MTUS2: variants seen among roughly 807,000 people sequenced by gnomAD.
The protein encoded by MTUS2 is microtubule associated scaffold protein 2, also known as microtubule-associated tumor suppressor candidate 2.
MTUS2 carries 40 observed loss-of-function variants against 114.1 expected under a neutral mutation model. That is an observed-to-expected ratio of 0.35 (90% CI 0.27 to 0.46). The LOEUF (loss-of-function observed/expected upper bound fraction) is 0.46. MTUS2 is among the 20% of genes least tolerant of loss of function. MTUS2 has a pLI of 1.00. For missense variants in MTUS2, 1,679 were observed against 1,705.4 expected, an observed-to-expected ratio of 0.98 and a Z score of 0.27; for synonymous variants, 688 against 672.0, an observed-to-expected ratio of 1.02 and a Z score of -0.37.
At chr13:29,000,456 G>A (rs1885333474) in intron 2 of MTUS2, among the ~76,000 whole-genome samples, 1 of 151,996 alleles carries the variant, frequency 6.6e-6, no homozygotes, top group African/African-American at 2.4e-5. Context: ...TCCACCCCCT[G>A]GGTTTAAGCA....
At chr13:29,281,222 G>A (rs1211200279) in intron 5 of MTUS2, among the ~76,000 whole-genome samples, 1 of 151,958 alleles carries the variant, frequency 6.6e-6, no homozygotes, top group African/African-American at 2.4e-5. Flanking sequence ...GAGATTTCAG[G>A]GATCTCTGAA....
chr13:29,118,294 A>T (rs1479003951), intron 5 of MTUS2, among the ~76,000 whole-genome samples: 2 of 151,340 alleles, frequency 1.3e-5, no homozygotes, highest in African/African-American at 2.4e-5. Flanking sequence ...AGGGGAGGAG[A>T]TGGATGCCAG....
intron 5 of MTUS2, among the ~76,000 whole-genome samples, chr13:29,195,152 G>A (rs1894630186): frequency 6.7e-6 from 1 of 148,904 alleles, no homozygotes; most frequent in Non-Finnish European, 1.5e-5. Context: ...TAAATGACGA[G>A]TTAATGGGTG....
At chr13:29,367,703 G>T (rs1870835189) in intron 8 of MTUS2, among the ~76,000 whole-genome samples, 1 of 152,106 alleles carries the variant, frequency 6.6e-6, no homozygotes, top group South Asian at 2.1e-4. Flanking sequence ...AGACGATAAA[G>T]GATGAACCCA....
At chr13:29,038,872 G>GA (rs1384421313) in intron 4 of MTUS2, among the ~76,000 whole-genome samples, 2 of 152,212 alleles carry the variant, frequency 1.3e-5, no homozygotes, top group African/African-American at 4.8e-5. Context: ...CAAGCCTCAG[G>GA]AATTGCCCCT....
chr13:29,359,611 C>A, intron 8 of MTUS2, 138 bp downstream of exon 8: 2 of 941,804 alleles, frequency 2.1e-6, no homozygotes, highest in Non-Finnish European at 3.1e-6. Flanking sequence ...GGAGTTCAGG[C>A]AGAATCTCCT....
intron 2 of MTUS2, among the ~76,000 whole-genome samples, chr13:28,936,918 G>T (rs1447688195): frequency 1.3e-5 from 2 of 152,184 alleles, no homozygotes; most frequent in African/African-American, 2.4e-5. Flanking sequence ...GTTCCGGTTT[G>T]TTCCTTTGTG....
At chr13:28,941,731 A>G (rs749082284) in intron 2 of MTUS2, among the ~76,000 whole-genome samples, 9 of 152,130 alleles carry the variant, frequency 5.9e-5, no homozygotes, top group East Asian at 3.8e-4. Flanking sequence ...TGGTACATCA[A>G]ACTTGGAAAG....
rs562356851 is a variant in MTUS2 at position 29,336,542 on chromosome 13, C to T, written c.2905+11831C>T. The stretch of plus-strand genomic sequence containing the variant: ...TTGTCCCGAAAGGGCACCCGCCGGA[C>T]GCCAGCTGGAGCTTTCCTGTATGAG... On this transcript the variant is annotated intron_variant, in intron 7 of 15. Coordinates refer to ENST00000612955, the MANE Select transcript of MTUS2 (RefSeq NM_001033602.4). Among the ~76,000 whole-genome samples the T allele has an allele frequency of 4.7e-4, 72 of 152,224 alleles. No homozygotes were observed. In the South Asian group the frequency reaches 5.0e-3, roughly 11 times the overall value.
intron 3 of MTUS2, among the ~76,000 whole-genome samples, chr13:29,027,507 C>T (rs1180257124): frequency 1.3e-5 from 2 of 152,106 alleles, no homozygotes; most frequent in African/African-American, 4.8e-5. Context: ...GCAGTAATTC[C>T]CTGAGGGTTG....
At chr13:28,966,865 A>T (rs1455525284) in intron 2 of MTUS2, among the ~76,000 whole-genome samples, 2 of 152,222 alleles carry the variant, frequency 1.3e-5, no homozygotes, top group African/African-American at 4.8e-5. Flanking sequence ...GGAAGTTTAC[A>T]ATTGTACAGT....
At chr13:29,170,234 AAG>A (rs899421310) in intron 5 of MTUS2, among the ~76,000 whole-genome samples, 33 of 152,372 alleles carry the variant, frequency 2.2e-4, no homozygotes, top group African/African-American at 7.7e-4. Flanking sequence ...GATAAGGGCA[AAG>A]AGAGCTTTGC....
At chr13:29,311,063 G>A (rs1899737259) in intron 6 of MTUS2, among the ~76,000 whole-genome samples, 1 of 152,208 alleles carries the variant, frequency 6.6e-6, no homozygotes. Flanking sequence ...ATGATGAACT[G>A]GGGCTACATG....
At chr13:29,218,488 A>G (rs905566907) in intron 5 of MTUS2, among the ~76,000 whole-genome samples, 7 of 152,230 alleles carry the variant, frequency 4.6e-5, no homozygotes, top group African/African-American at 1.7e-4. Context: ...CTAGAATGGT[A>G]AATCCTTTCC....
intron 8 of MTUS2, among the ~76,000 whole-genome samples, chr13:29,391,859 C>A (rs951082613): frequency 6.6e-6 from 1 of 151,826 alleles, no homozygotes; most frequent in Non-Finnish European, 1.5e-5. Flanking sequence ...CACCTTTGGC[C>A]GGGCGCAGTG....
At chr13:29,428,745 A>AGCG in intron 8 of MTUS2, 2 of 1,586,450 alleles carry the variant, frequency 1.3e-6, no homozygotes, top group Non-Finnish European at 1.7e-6. Flanking sequence ...GACAGCTCCC[A>AGCG]GCGGCGCGCC....
intron 4 of MTUS2, among the ~76,000 whole-genome samples, chr13:29,075,566 A>T (rs1019537408): frequency 1.4e-4 from 22 of 152,186 alleles, no homozygotes; most frequent in African/African-American, 5.3e-4. Context: ...ATATTACTGG[A>T]TTCACTCCAT....
intron 8 of MTUS2, among the ~76,000 whole-genome samples, chr13:29,391,753 C>G (rs904498278): frequency 2.6e-5 from 4 of 151,572 alleles, no homozygotes; most frequent in Non-Finnish European, 5.9e-5. Flanking sequence ...CGATTAAAAG[C>G]TACGATTTTA....
intron 13 of MTUS2, chr13:29,497,589 C>T (rs756999698): frequency 2.5e-5 from 13 of 524,992 alleles, no homozygotes; most frequent in Middle Eastern, 5.2e-4. Flanking sequence ...CAGCTGGAGT[C>T]GTGGGGCTCC....
Sources: gnomAD v4.1 joint callset for allele counts (sites outside exome capture counted in the v4.1 genomes callset) on GRCh38, gnomAD v4.1.1 for gene constraint, MANE v1.5 for transcripts, NCBI Gene and HGNC (gene_info 2026-07-23, HGNC 2026-07-21) for gene names.